The following FNDC3A variants were observed in gnomAD, a reference collection of about 807,000 sequenced individuals.
FNDC3A encodes the protein fibronectin type-III domain-containing protein 3A.
In FNDC3A, 32 loss-of-function variants were observed where a neutral mutation model predicts 148.9. The observed-to-expected ratio is 0.21, with a 90% CI of 0.16 to 0.29. The LOEUF (loss-of-function observed/expected upper bound fraction) is 0.29, where lower values mean the gene tolerates loss of function less well. FNDC3A is among the 10% of genes least tolerant of loss of function. The probability of loss-of-function intolerance (pLI) is 1.00; values close to 1 mark genes in which losing one functional copy is unlikely to be tolerated. For synonymous variants in FNDC3A, 472 were observed against 473.6 expected, an observed-to-expected ratio of 1.00 and a Z score of 0.04; for missense variants, 1,191 against 1,452.8, an observed-to-expected ratio of 0.82 and a Z score of 2.93.
chr13:49,081,829 A>G (rs1878491243), intron 3 of FNDC3A, among the ~76,000 whole-genome samples: 1 of 152,218 alleles, frequency 6.6e-6, no homozygotes, highest in African/African-American at 2.4e-5. Context: ...CTTATTTGTC[A>G]GACTTTCTTA....
At chr13:49,098,660 C>T (rs893345341) in intron 3 of FNDC3A, among the ~76,000 whole-genome samples, 3 of 152,014 alleles carry the variant, frequency 2.0e-5, no homozygotes, top group Non-Finnish European at 2.9e-5. Flanking sequence ...AGATTCTAAC[C>T]ATAAGTCATT....
chr13:49,057,018 A>T (rs1036017170), intron 2 of FNDC3A, among the ~76,000 whole-genome samples: 1 of 152,164 alleles, frequency 6.6e-6, no homozygotes, highest in African/African-American at 2.4e-5. Flanking sequence ...TTGTCTGGGA[A>T]TTCTCAATAA....
chr13:49,192,741 A>T (rs1411078175), intron 19 of FNDC3A, among the ~76,000 whole-genome samples: 33 of 152,146 alleles, frequency 2.2e-4, no homozygotes, highest in Non-Finnish European at 1.5e-5. Context: ...TTATATTTTC[A>T]GGTTTGTGAT....
chr13:49,120,668 A>T (rs1435240738), intron 4 of FNDC3A, among the ~76,000 whole-genome samples: 1 of 138,450 alleles, frequency 7.2e-6, no homozygotes, highest in Non-Finnish European at 1.6e-5. Context: ...AATGGAAAGC[A>T]AAAAAAAAAA....
At chr13:48,997,461 T>C (rs1465524009) in intron 1 of FNDC3A, among the ~76,000 whole-genome samples, 1 of 152,204 alleles carries the variant, frequency 6.6e-6, no homozygotes, top group Non-Finnish European at 1.5e-5. Context: ...AATTCATACA[T>C]TGAGCCCTAA....
chr13:49,193,364 G>A (rs1464024634), intron 19 of FNDC3A, among the ~76,000 whole-genome samples: 3 of 152,142 alleles, frequency 2.0e-5, no homozygotes, highest in South Asian at 2.1e-4. Context: ...AGGCTTAAGC[G>A]ATCCTCCTGC....
At chr13:48,989,704 A>T (rs529618313) in intron 1 of FNDC3A, among the ~76,000 whole-genome samples, 1 of 152,204 alleles carries the variant, frequency 6.6e-6, no homozygotes, top group Non-Finnish European at 1.5e-5. Context: ...CATAAGAAAG[A>T]TGAATAAAAC....
chr13:49,045,744 C>T (rs1875345452), intron 2 of FNDC3A: 29 of 645,418 alleles, frequency 4.5e-5, no homozygotes, highest in South Asian at 1.6e-4. Context: ...AGGATGTTTT[C>T]TTTGTTTTGA....
intron 9 of FNDC3A, 67 bp downstream of exon 9, chr13:49,167,370 T>C: frequency 2.3e-6 from 2 of 885,460 alleles, no homozygotes; most frequent in Non-Finnish European, 3.4e-6. Flanking sequence ...AAATAATTAT[T>C]TTCTTAAAAA....
At chr13:49,186,472 C>T (rs1885576987) in intron 15 of FNDC3A, among the ~76,000 whole-genome samples, 1 of 152,188 alleles carries the variant, frequency 6.6e-6, no homozygotes, top group African/African-American at 2.4e-5. Context: ...AATGGAAAAA[C>T]AAAGATCCCA....
chr13:49,048,298 G>A (rs1350108165), intron 2 of FNDC3A, among the ~76,000 whole-genome samples: 1 of 151,824 alleles, frequency 6.6e-6, no homozygotes, highest in East Asian at 1.9e-4. Context: ...ATGAATTTTA[G>A]GATTTTTTTT....
At chr13:49,072,715 T>G (rs1032873963) in intron 2 of FNDC3A, among the ~76,000 whole-genome samples, 3 of 151,960 alleles carry the variant, frequency 2.0e-5, no homozygotes, top group Non-Finnish European at 2.9e-5. Flanking sequence ...AACTCCTGGG[T>G]TCAAGCAATC....
At chr13:48,989,882 G>C (rs1278030464) in intron 1 of FNDC3A, among the ~76,000 whole-genome samples, 1 of 151,996 alleles carries the variant, frequency 6.6e-6, no homozygotes, top group Non-Finnish European at 1.5e-5. Flanking sequence ...CTCCCGAGTA[G>C]CTGGGATTAC....
chr13:48,998,550 A>G (rs1952065007), intron 1 of FNDC3A, among the ~76,000 whole-genome samples: 1 of 152,334 alleles, frequency 6.6e-6, no homozygotes, highest in African/African-American at 2.4e-5. Context: ...TGAGTAAGCA[A>G]ATATTCCAAA....
At chr13:49,051,777 T>C (rs140725043) in intron 2 of FNDC3A, among the ~76,000 whole-genome samples, 15 of 152,344 alleles carry the variant, frequency 9.8e-5, no homozygotes, top group African/African-American at 3.4e-4. Flanking sequence ...TTCCAAACTT[T>C]TAGGTTTCTC....
chr13:49,165,662 G>T (rs894252844), intron 8 of FNDC3A, among the ~76,000 whole-genome samples: 1 of 152,170 alleles, frequency 6.6e-6, no homozygotes, highest in Non-Finnish European at 1.5e-5. Context: ...TAGGCAGCTT[G>T]CTCAGGTGCT....
At chr13:49,061,371 TCCCTTCCCTTCCCTTCCCTTCCCTC>T (rs1876692681) in intron 2 of FNDC3A, among the ~76,000 whole-genome samples, 1 of 12,494 alleles carries the variant, frequency 8.0e-5, no homozygotes, top group African/African-American at 6.4e-4. Flanking sequence ...TCCCTTCCCT[TCCCTTCCCTTCCCTTCCCTTCCCTC>T]CCCTTCCCTC....
chr13:49,069,645 A>G (rs1271083121), intron 2 of FNDC3A, among the ~76,000 whole-genome samples: 1 of 152,160 alleles, frequency 6.6e-6, no homozygotes, highest in Non-Finnish European at 1.5e-5. Context: ...ACATACACAC[A>G]AGTGCTCAGG....
rs560621928 is a variant in FNDC3A at position 49,097,165 on chromosome 13, A to G, written c.176-17490A>G. On this transcript the variant is annotated intron_variant, in intron 3 of 25. Transcript: ENST00000492622. ...TTTTAAGCAGGGGATAACCAAAACT[A>G]TAGTAATAAGAATGAGACCTGGAAG... Among the ~76,000 whole-genome samples the G allele has an allele frequency of 3.9e-5, 6 of 152,214 alleles. No homozygotes were observed. The East Asian group carries it at 5.8e-4, about 15-fold the overall frequency.
Sources: allele counts gnomAD v4.1 joint callset (sites outside exome capture counted in the v4.1 genomes callset), GRCh38; gene constraint gnomAD v4.1.1; transcripts MANE v1.5; gene names NCBI Gene and HGNC (gene_info 2026-07-23, HGNC 2026-07-21).